ERC2: variants seen among roughly 807,000 people sequenced by gnomAD.
ERC2 encodes the protein ELKS/RAB6-interacting/CAST family member 2.
Under a neutral mutation model 114.8 loss-of-function variants are expected in ERC2, and 42 were observed. That is an observed-to-expected ratio of 0.37 (90% CI 0.29 to 0.47). The LOEUF is 0.47. Among genes scored for constraint, ERC2 ranks in the 20% least tolerant of loss-of-function variants. ERC2 has a pLI of 0.99. For synonymous variants in ERC2, 454 were observed against 425.5 expected, an observed-to-expected ratio of 1.07 and a Z score of -0.82; for missense variants, 939 against 1,150.7, an observed-to-expected ratio of 0.82 and a Z score of 2.66.
chr3:55,780,379 T>G (rs543967054), intron 14 of ERC2, among the ~76,000 whole-genome samples: 1 of 152,250 alleles, frequency 6.6e-6, no homozygotes, highest in African/African-American at 2.4e-5. Context: ...GGTTAAAAAT[T>G]CACTAAGCTC....
intron 15 of ERC2, among the ~76,000 whole-genome samples, chr3:55,712,787 A>G (rs2063839298): frequency 6.6e-6 from 1 of 152,128 alleles, no homozygotes; most frequent in Admixed American, 6.5e-5. Context: ...ACGTCTTCAG[A>G]TATTTGAATA....
At chr3:55,843,721 T>C (rs1226288049) in intron 14 of ERC2, among the ~76,000 whole-genome samples, 2 of 152,218 alleles carry the variant, frequency 1.3e-5, no homozygotes, top group African/African-American at 2.4e-5. Flanking sequence ...TTAATCCCAC[T>C]GCAAAAATGT....
rs938137613 is a variant in ERC2 at position 56,427,208 on chromosome 3, T to C, written c.657+7143A>G. ...TTCACAGTGGAGTAAGATTAGAAAA[T>C]TGGTGAGTTAAGCAACTTTAATACA... On this transcript the variant is annotated intron_variant, in intron 2 of 17. Coordinates refer to ENST00000288221, the MANE Select transcript of ERC2 (RefSeq NM_015576.3). Among the ~76,000 whole-genome samples, 4 of 151,204 alleles carry C rather than the reference T, an allele frequency of 2.6e-5. No homozygotes were observed. The South Asian group carries it at 8.4e-4, about 32-fold the overall frequency.
intron 3 of ERC2, among the ~76,000 whole-genome samples, chr3:56,284,865 A>T (rs1039543836): frequency 2.0e-5 from 3 of 151,928 alleles, no homozygotes; most frequent in East Asian, 1.9e-4. Context: ...GACTTGCCTC[A>T]TTTCCAGCCC....
At chr3:56,233,404 T>C (rs2050750704) in intron 3 of ERC2, among the ~76,000 whole-genome samples, 1 of 152,194 alleles carries the variant, frequency 6.6e-6, no homozygotes, top group Non-Finnish European at 1.5e-5. Context: ...GCAGATCACC[T>C]GAGGTCAGGA....
intron 14 of ERC2, among the ~76,000 whole-genome samples, chr3:55,736,983 T>C (rs1324174888): frequency 6.6e-6 from 1 of 152,188 alleles, no homozygotes; most frequent in Admixed American, 6.5e-5. Context: ...TGAAACATTC[T>C]AGACACTTTG....
chr3:55,830,001 A>C (rs1287511852), intron 14 of ERC2, among the ~76,000 whole-genome samples: 2 of 152,228 alleles, frequency 1.3e-5, no homozygotes, highest in African/African-American at 4.8e-5. Context: ...AACAAACAAA[A>C]AAACCCACCT....
chr3:56,022,241 T>C (rs998858745), intron 7 of ERC2, among the ~76,000 whole-genome samples: 1 of 152,214 alleles, frequency 6.6e-6, no homozygotes, highest in Admixed American at 6.5e-5. Context: ...GAAAAAATTA[T>C]TGCATAGAAC....
intron 6 of ERC2, among the ~76,000 whole-genome samples, chr3:56,091,139 C>T (rs1429251513): frequency 3.3e-5 from 5 of 151,998 alleles, no homozygotes; most frequent in East Asian, 3.9e-4. Context: ...GAATGGAGGC[C>T]GGGGACAGGT....
chr3:55,925,916 T>G (rs1194786179), intron 13 of ERC2, among the ~76,000 whole-genome samples: 1 of 152,178 alleles, frequency 6.6e-6, no homozygotes, highest in East Asian at 1.9e-4. Context: ...TCTGTGTGTT[T>G]TACAACCAGG....
chr3:55,754,776 T>C (rs1020705030), intron 14 of ERC2, among the ~76,000 whole-genome samples: 2 of 152,122 alleles, frequency 1.3e-5, no homozygotes, highest in South Asian at 2.1e-4. Flanking sequence ...CTTAGGTTTT[T>C]CTATCCTAAA....
chr3:55,946,941 T>C (rs2067161035), intron 13 of ERC2, among the ~76,000 whole-genome samples: 1 of 152,174 alleles, frequency 6.6e-6, no homozygotes. Flanking sequence ...TTCGGCTAAC[T>C]AGGGTGTATT....
At chr3:56,181,802 GC>G (rs1364740521) in intron 3 of ERC2, among the ~76,000 whole-genome samples, 12 of 152,262 alleles carry the variant, frequency 7.9e-5, no homozygotes, top group African/African-American at 2.6e-4. Context: ...GTAGATGGCA[GC>G]TGCCACATCA....
chr3:56,381,606 T>C (rs996783295), intron 2 of ERC2, among the ~76,000 whole-genome samples: 10 of 151,474 alleles, frequency 6.6e-5, no homozygotes, highest in African/African-American at 2.4e-4. Flanking sequence ...TTCTTCTTAG[T>C]GTCTCAAAGA....
chr3:55,687,604 G>A (rs2062402265), intron 16 of ERC2, among the ~76,000 whole-genome samples: 1 of 152,146 alleles, frequency 6.6e-6, no homozygotes, highest in Non-Finnish European at 1.5e-5. Flanking sequence ...TGCTGGAAGG[G>A]GTGCAAGGAG....
chr3:55,764,836 C>T (rs963925376), intron 14 of ERC2, among the ~76,000 whole-genome samples: 2 of 152,178 alleles, frequency 1.3e-5, no homozygotes, highest in African/African-American at 4.8e-5. Context: ...TAAATGAGAA[C>T]GTTCACCTCC....
intron 7 of ERC2, among the ~76,000 whole-genome samples, chr3:56,043,294 G>T (rs1411241572): frequency 6.6e-6 from 1 of 152,048 alleles, no homozygotes; most frequent in Non-Finnish European, 1.5e-5. Flanking sequence ...TGTACACAAG[G>T]GGATCATTGT....
chr3:55,753,533 C>A (rs964095338), intron 14 of ERC2, among the ~76,000 whole-genome samples: 17 of 152,168 alleles, frequency 1.1e-4, no homozygotes, highest in Admixed American at 7.9e-4. Flanking sequence ...GGTGATGGTG[C>A]AATTGGATTC....
intron 14 of ERC2, among the ~76,000 whole-genome samples, chr3:55,798,870 A>AAAAGTTTAAGATGT (rs113318832): frequency 0.33 from 50,267 of 151,912 alleles, 10,220 homozygotes; most frequent in African/African-American, 0.57. Flanking sequence ...AGCCAAGAAG[A>AAAAGTTTAAGATGT]AAGAAGGTAT....
Sources: gnomAD v4.1 joint callset for allele counts (sites outside exome capture counted in the v4.1 genomes callset) on GRCh38, gnomAD v4.1.1 for gene constraint, MANE v1.5 for transcripts, NCBI Gene and HGNC (gene_info 2026-07-23, HGNC 2026-07-21) for gene names.